IMMP2L: variants seen among roughly 807,000 people sequenced by gnomAD.
The protein encoded by IMMP2L is mitochondrial inner membrane protease subunit 2.
IMMP2L carries 18 observed loss-of-function variants against 19.3 expected under a neutral mutation model. The ratio of observed to expected loss-of-function variants is 0.93; its 90% CI spans 0.64 to 1.38. IMMP2L has a LOEUF of 1.38. Among genes scored for constraint, IMMP2L ranks in the 40% most tolerant of loss-of-function variants. The probability of loss-of-function intolerance (pLI) is 0.00; values close to 1 mark genes in which losing one functional copy is unlikely to be tolerated. For synonymous variants in IMMP2L, 76 were observed against 73.0 expected, an observed-to-expected ratio of 1.04 and a Z score of -0.21; for missense variants, 233 against 218.2, an observed-to-expected ratio of 1.07 and a Z score of -0.43.
chr7:110,953,173 CT>C (rs1241054830), intron 4 of IMMP2L, among the ~76,000 whole-genome samples: 1 of 151,940 alleles, frequency 6.6e-6, no homozygotes, highest in East Asian at 1.9e-4. Flanking sequence ...TTTTTCTAAT[CT>C]TTTTTTATAT....
intron 1 of IMMP2L, among the ~76,000 whole-genome samples, chr7:111,522,873 G>A (rs1055543074): frequency 1.1e-4 from 16 of 146,494 alleles, no homozygotes; most frequent in African/African-American, 4.2e-4. Flanking sequence ...GCCAAGGTAT[G>A]GAATTAATCC....
At chr7:111,156,528 GATTAC>G (rs1268879495) in intron 3 of IMMP2L, among the ~76,000 whole-genome samples, 1 of 152,066 alleles carries the variant, frequency 6.6e-6, no homozygotes, top group East Asian at 1.9e-4. Flanking sequence ...ATTTAATTGG[GATTAC>G]ATTAAATCTA....
At chr7:110,919,013 A>G (rs1443013039) in intron 4 of IMMP2L, among the ~76,000 whole-genome samples, 1 of 152,112 alleles carries the variant, frequency 6.6e-6, no homozygotes, top group Admixed American at 6.6e-5. Flanking sequence ...GTGAACACCA[A>G]TAAAATCTAG....
intron 3 of IMMP2L, chr7:111,122,897 C>T (rs1184836669): frequency 6.2e-7 from 1 of 1,614,042 alleles, no homozygotes. Flanking sequence ...CCTTGGTTTA[C>T]ACCCAGATCC....
intron 5 of IMMP2L, among the ~76,000 whole-genome samples, chr7:110,783,540 AATTAGAACAAAC>A (rs1162834879): frequency 1.3e-5 from 2 of 151,906 alleles, no homozygotes; most frequent in Admixed American, 1.3e-4. Context: ...ACAGTCTGAT[AATTAGAACAAAC>A]ATTTAAAAAA....
At chr7:111,097,705 TA>T (rs1246253834) in intron 3 of IMMP2L, among the ~76,000 whole-genome samples, 2 of 151,874 alleles carry the variant, frequency 1.3e-5, no homozygotes, top group Non-Finnish European at 2.9e-5. Context: ...TATGGAGTGT[TA>T]ATGGGGTCTA....
chr7:110,969,144 T>C (rs1287290645), intron 3 of IMMP2L, among the ~76,000 whole-genome samples: 1 of 152,104 alleles, frequency 6.6e-6, no homozygotes, highest in Non-Finnish European at 1.5e-5. Context: ...AGATAGGTAT[T>C]ATCTGTAAAA....
chr7:111,446,393 C>G (rs1838419732), intron 3 of IMMP2L, among the ~76,000 whole-genome samples: 1 of 147,690 alleles, frequency 6.8e-6, no homozygotes. Context: ...AAGTGGGTCC[C>G]TGACCCCTGA....
intron 4 of IMMP2L, among the ~76,000 whole-genome samples, chr7:110,917,081 T>G (rs1042838982): frequency 7.2e-5 from 11 of 152,116 alleles, no homozygotes; most frequent in African/African-American, 2.4e-4. Flanking sequence ...CAATGATTAG[T>G]ATCCATGTGA....
chr7:111,099,340 C>A (rs1430089538), intron 3 of IMMP2L, among the ~76,000 whole-genome samples: 2 of 151,658 alleles, frequency 1.3e-5, no homozygotes, highest in African/African-American at 2.4e-5. Flanking sequence ...AATACAATTT[C>A]ATTGCTACTA....
chr7:110,692,492 T>G (rs1793588668), intron 5 of IMMP2L, among the ~76,000 whole-genome samples: 1 of 140,878 alleles, frequency 7.1e-6, no homozygotes, highest in Non-Finnish European at 1.6e-5. Context: ...CTAAAGCTAT[T>G]GAAATAAAAA....
rs1009271876 is a variant in IMMP2L at position 111,419,362 on chromosome 7, T to C, written c.239+67876A>G. On this transcript the variant is annotated intron_variant, in intron 3 of 5. Transcript: ENST00000405709. ...GATTTTTTTTAAAAGGAAGAAAAAA[T>C]TTCTTACCTAAGAGGATTTGGAGCT... Among the ~76,000 whole-genome samples, 6 of 151,430 alleles carry C rather than the reference T, an allele frequency of 4.0e-5. 1 individual carries two copies. Among genetic ancestry groups the C allele is most frequent in the African/African-American group, 1.2e-4 (5 of 40,948 alleles).
intron 3 of IMMP2L, among the ~76,000 whole-genome samples, chr7:111,400,654 T>G (rs1440587024): frequency 6.6e-6 from 1 of 152,038 alleles, no homozygotes; most frequent in Non-Finnish European, 1.5e-5. Context: ...CATGTTAAAT[T>G]TGTGTGTAGA....
intron 3 of IMMP2L, among the ~76,000 whole-genome samples, chr7:111,471,802 CATCACAGCCAGCCTATATAT>C (rs1034578312): frequency 2.6e-5 from 4 of 151,914 alleles, no homozygotes; most frequent in African/African-American, 9.7e-5. Flanking sequence ...AGAAAGGTTC[CATCACAGCCAGCCTATATAT>C]ATATCATATT....
intron 3 of IMMP2L, among the ~76,000 whole-genome samples, chr7:111,027,128 C>T (rs1429972873): frequency 1.3e-5 from 2 of 152,020 alleles, no homozygotes; most frequent in Non-Finnish European, 2.9e-5. Flanking sequence ...TGATCTATTG[C>T]TTATAAAGAG....
intron 3 of IMMP2L, among the ~76,000 whole-genome samples, chr7:111,478,408 T>C (rs939357600): frequency 2.0e-5 from 3 of 152,150 alleles, no homozygotes; most frequent in Non-Finnish European, 4.4e-5. Flanking sequence ...TTTCTGTTTT[T>C]GGAGAGAGGG....
chr7:111,260,057 T>C (rs998442492), intron 3 of IMMP2L, among the ~76,000 whole-genome samples: 2 of 152,154 alleles, frequency 1.3e-5, no homozygotes, highest in African/African-American at 4.8e-5. Context: ...CTAAGGCTGT[T>C]TTACTATTAA....
At chr7:110,704,101 C>T (rs144596082) in intron 5 of IMMP2L, among the ~76,000 whole-genome samples, 189 of 152,206 alleles carry the variant, frequency 1.2e-3, no homozygotes, top group African/African-American at 4.2e-3. Context: ...CCCGCCTTGG[C>T]CTCCCAAAGT....
intron 3 of IMMP2L, among the ~76,000 whole-genome samples, chr7:111,445,059 T>G (rs1437587455): frequency 6.6e-6 from 1 of 152,088 alleles, no homozygotes; most frequent in Non-Finnish European, 1.5e-5. Flanking sequence ...AGGAAATCAA[T>G]TGCTAGATCT....
Sources: gnomAD v4.1 joint callset for allele counts (sites outside exome capture counted in the v4.1 genomes callset) on GRCh38, gnomAD v4.1.1 for gene constraint, MANE v1.5 for transcripts, NCBI Gene and HGNC (gene_info 2026-07-23, HGNC 2026-07-21) for gene names.